KIAA1671: variants seen among roughly 807,000 people sequenced by gnomAD.
KIAA1671 encodes the protein uncharacterized protein KIAA1671.
A neutral mutation model predicts 131.2 loss-of-function variants in KIAA1671; 52 were observed. The observed-to-expected ratio is 0.40, with a 90% CI of 0.32 to 0.50. The LOEUF (loss-of-function observed/expected upper bound fraction) is 0.50, where lower values mean the gene tolerates loss of function less well. Among genes scored for constraint, KIAA1671 ranks in the 20% least tolerant of loss-of-function variants. The pLI, the probability that KIAA1671 is intolerant of heterozygous loss-of-function variation, is 0.73. For synonymous variants in KIAA1671, 1,003 were observed against 961.6 expected, an observed-to-expected ratio of 1.04 and a Z score of -0.80; for missense variants, 2,360 against 2,364.2, an observed-to-expected ratio of 1.00 and a Z score of 0.04.
chr22:25,138,322 T>C (rs1243159262), intron 6 of KIAA1671, among the ~76,000 whole-genome samples: 1 of 152,120 alleles, frequency 6.6e-6, no homozygotes, highest in Non-Finnish European at 1.5e-5. Context: ...TGGAAATGAG[T>C]GACAGCACTT....
At chr22:25,138,797 A>G (rs1472185902) in intron 6 of KIAA1671, among the ~76,000 whole-genome samples, 1 of 152,118 alleles carries the variant, frequency 6.6e-6, no homozygotes, top group African/African-American at 2.4e-5. Context: ...TATCTCTTCA[A>G]CCCACCAAAG....
At position 25,177,332 on chromosome 22, in the gene KIAA1671, C is replaced by G. The variant is rs1172334488; in HGVS notation, c.4900-16C>G. ...TCCCTTGATTTTTTTCCTCTTCCTCCCTGCTGCTCCCAAAGCAAACCTCAG... is the reference window on the plus strand; with the variant it reads ...TCCCTTGATTTTTTTCCTCTTCCTCGCTGCTGCTCCCAAAGCAAACCTCAG... On this transcript the variant is annotated splice_polypyrimidine_tract_variant and intron_variant, in intron 8 of 12. Transcript: ENST00000358431. 12 of 1,536,958 alleles carry G rather than the reference C, an allele frequency of 7.8e-6. No homozygotes were observed. The highest frequency in any genetic ancestry group is 9.7e-6 in the Non-Finnish European group (11 of 1,138,104).
At chr22:25,139,163 A>G (rs1158884344) in intron 6 of KIAA1671, among the ~76,000 whole-genome samples, 1 of 152,176 alleles carries the variant, frequency 6.6e-6, no homozygotes, top group East Asian at 1.9e-4. Context: ...TGCTGCTTGG[A>G]AGATATTTAT....
chr22:25,035,645 T>C lies in KIAA1671; in HGVS notation c.1629+2949T>C, dbSNP rs59272080. Among the ~76,000 whole-genome samples the C allele has an allele frequency of 2.6e-3, 400 of 152,298 alleles. 1 individual carries two copies. Among genetic ancestry groups the C allele is most frequent in the African/African-American group, 9.1e-3 (377 of 41,558 alleles). ...GTGATACCATTTAAGTAATTAAAGC[T>C]CCTTATATTTGTATTAAAATGCTGT... On this transcript the variant is annotated intron_variant, in intron 4 of 12. Coordinates refer to ENST00000358431, the MANE Select transcript of KIAA1671 (RefSeq NM_001145206.2).
intron 4 of KIAA1671, among the ~76,000 whole-genome samples, chr22:25,034,337 C>T (rs1205539218): frequency 2.0e-5 from 3 of 152,262 alleles, no homozygotes; most frequent in East Asian, 3.9e-4. Context: ...TGAGCCACCA[C>T]ACCCGGCCAC....
intron 6 of KIAA1671, among the ~76,000 whole-genome samples, chr22:25,117,346 G>A (rs1462717366): frequency 1.3e-5 from 2 of 152,062 alleles, no homozygotes; most frequent in Non-Finnish European, 2.9e-5. Flanking sequence ...GAAATCTGAA[G>A]CACAGAGAGG....
chr22:25,129,477 A>C (rs1932334382), intron 6 of KIAA1671, among the ~76,000 whole-genome samples: 1 of 151,384 alleles, frequency 6.6e-6, no homozygotes, highest in Non-Finnish European at 1.5e-5. Context: ...ATTGCACACC[A>C]GCCTGGGCAA....
At position 24,960,130 on chromosome 22, in the gene KIAA1671, CAAATAAATAAATAAATAAAT is replaced by C. The variant is rs56860953; in HGVS notation, c.-208+7378_-208+7397del. ...CTGGCGACAGAGTGAGACTCCGTCT[CAAATAAATAAATAAATAAAT>C]AAATAAATAAATAAATAAAATAAAA... On this transcript the variant is annotated intron_variant, in intron 1 of 12. Coordinates refer to ENST00000358431, the MANE Select transcript of KIAA1671 (RefSeq NM_001145206.2). Among the ~76,000 whole-genome samples the C allele has an allele frequency of 4.8e-5, 7 of 146,998 alleles. No homozygotes were observed. In the East Asian group the frequency reaches 1.4e-3, roughly 30 times the overall value.
rs569810018 is a variant in KIAA1671, at chr22:25,015,359, T to C, written c.-207-10274T>C. On this transcript the variant is annotated intron_variant, in intron 1 of 12. Coordinates refer to ENST00000358431, the MANE Select transcript of KIAA1671 (RefSeq NM_001145206.2). ...GTGGGCTAGTTTGGCCTGTGGACTC[T>C]AGTTTGCCAATTTTGGATCCAGAGA... Among the ~76,000 whole-genome samples the C allele has an allele frequency of 5.9e-5, 9 of 152,190 alleles. No individual in the cohort carries two copies. The South Asian group carries it at 1.2e-3, about 21-fold the overall frequency.
chr22:25,131,695 T>C (rs992853151), intron 6 of KIAA1671, among the ~76,000 whole-genome samples: 25 of 152,142 alleles, frequency 1.6e-4, no homozygotes, highest in African/African-American at 6.0e-4. Context: ...AGGAGCCCTG[T>C]GGTGGAGACA....
intron 1 of KIAA1671, among the ~76,000 whole-genome samples, chr22:24,995,492 G>A (rs567943600): frequency 3.3e-5 from 5 of 152,014 alleles, no homozygotes; most frequent in African/African-American, 1.2e-4. Flanking sequence ...TAGTAGTTGG[G>A]ACTACAGGCA....
chr22:25,037,659 C>T (rs1033849515), intron 4 of KIAA1671, among the ~76,000 whole-genome samples: 4 of 151,982 alleles, frequency 2.6e-5, no homozygotes, highest in African/African-American at 9.7e-5. Flanking sequence ...TCTCCCATTC[C>T]CAGGCATCCA....
intron 6 of KIAA1671, among the ~76,000 whole-genome samples, chr22:25,088,939 G>T (rs537507715): frequency 6.6e-6 from 1 of 152,128 alleles, no homozygotes; most frequent in Non-Finnish European, 1.5e-5. Flanking sequence ...CATGGTTTCC[G>T]TATCCGTGGA....
At chr22:25,025,244 T>C (rs1298513850) in intron 1 of KIAA1671, among the ~76,000 whole-genome samples, 1 of 137,112 alleles carries the variant, frequency 7.3e-6, no homozygotes, top group Non-Finnish European at 1.6e-5. Context: ...TTCTAGGCAA[T>C]CAGTCCTATT....
At chr22:25,121,683 A>G (rs549656277) in intron 6 of KIAA1671, among the ~76,000 whole-genome samples, 71 of 152,286 alleles carry the variant, frequency 4.7e-4, no homozygotes, top group African/African-American at 1.7e-3. Context: ...AAAGTTGGGG[A>G]AAGATGGGCA....
chr22:25,057,663 T>A (rs1236600328), intron 6 of KIAA1671: 2 of 133,514 alleles, frequency 1.5e-5, no homozygotes, highest in Admixed American at 7.3e-5. Context: ...TTTTTTTTTT[T>A]AGACAAGGTC....
Position 25,040,907 on chromosome 22 carries a change from C to A in KIAA1671, c.3777C>A (p.Leu1259=). 6.6e-7 allele frequency: 1 copy of A among 1,508,088 alleles called. No individual in the cohort carries two copies. The highest frequency in any genetic ancestry group is 1.3e-5 in the South Asian group (1 of 76,812). The allele number at this position is 1,508,088 out of a possible 1,614,324, so 93.4% of individuals were successfully genotyped here. Residue 1259 remains leucine (L), a synonymous_variant, in exon 5 of 13, where the codon CTC becomes CTA. Transcript: ENST00000358431. ...SLKEMPDTGG[L]WKPASSAEIN... ...AGGAGATGCCCGATACCGGGGGTCT[C>A]TGGAAACCGGCCAGTTCTGCCGAAA...
intron 8 of KIAA1671, 43 bp from the exon 9 acceptor site, chr22:25,177,305 G>T: frequency 4.0e-6 from 6 of 1,516,790 alleles, no homozygotes; most frequent in Non-Finnish European, 5.3e-6. Context: ...TCCATTGATG[G>T]TTCCCTTGAT....
intron 1 of KIAA1671, among the ~76,000 whole-genome samples, chr22:24,989,768 T>C (rs1008610389): frequency 6.6e-6 from 1 of 152,028 alleles, no homozygotes; most frequent in Non-Finnish European, 1.5e-5. Flanking sequence ...ACACGCACTA[T>C]TGTCTTAGCT....
Sources: allele counts gnomAD v4.1 joint callset (sites outside exome capture counted in the v4.1 genomes callset), GRCh38; gene constraint gnomAD v4.1.1; transcripts MANE v1.5; gene names NCBI Gene and HGNC (gene_info 2026-07-23, HGNC 2026-07-21).